KAZN: variants seen among roughly 807,000 people sequenced by gnomAD.
KAZN encodes the protein kazrin, periplakin interacting protein.
Under a neutral mutation model 87.4 loss-of-function variants are expected in KAZN, and 40 were observed. The ratio of observed to expected loss-of-function variants is 0.46; its 90% CI spans 0.36 to 0.60. The LOEUF (loss-of-function observed/expected upper bound fraction) is 0.60, where lower values mean the gene tolerates loss of function less well. Ranked by LOEUF, KAZN falls within the 20% of genes least tolerant of loss-of-function variation. The pLI, the probability that KAZN is intolerant of heterozygous loss-of-function variation, is 0.00. For missense variants in KAZN, 898 were observed against 1,073.9 expected, an observed-to-expected ratio of 0.84 and a Z score of 2.29; for synonymous variants, 466 against 458.3, an observed-to-expected ratio of 1.02 and a Z score of -0.22.
chr1:14,303,378 G>A (rs1258567241), intron 2 of KAZN, among the ~76,000 whole-genome samples: 2 of 152,052 alleles, frequency 1.3e-5, no homozygotes, highest in South Asian at 2.1e-4. Flanking sequence ...TGAGTAGCTG[G>A]GACTAGATGT....
chr1:14,588,475 A>G (rs912351329), intron 2 of KAZN, among the ~76,000 whole-genome samples: 5 of 152,230 alleles, frequency 3.3e-5, no homozygotes, highest in African/African-American at 1.2e-4. Flanking sequence ...TGGAAATCCC[A>G]CTGGTCAGTG....
chr1:13,953,018 G>A (rs10927969), intron 1 of KAZN, among the ~76,000 whole-genome samples: 17,842 of 152,168 alleles, frequency 0.12, 1,188 homozygotes, highest in Middle Eastern at 0.22. Flanking sequence ...TCAACAGAAT[G>A]GGCTGCCCTG....
chr1:14,674,934 G>A (rs566959493), intron 1 of KAZN, among the ~76,000 whole-genome samples: 11 of 149,664 alleles, frequency 7.3e-5, no homozygotes, highest in South Asian at 4.4e-4. Flanking sequence ...CTACAGACAC[G>A]CACCACCACA....
At chr1:14,999,859 C>T (rs1219219956) in intron 2 of KAZN, among the ~76,000 whole-genome samples, 1 of 152,184 alleles carries the variant, frequency 6.6e-6, no homozygotes. Flanking sequence ...CTCAGTCTGC[C>T]CTGTCCGGCT....
intron 2 of KAZN, among the ~76,000 whole-genome samples, chr1:14,419,120 C>T (rs938297980): frequency 1.3e-5 from 2 of 152,114 alleles, no homozygotes; most frequent in Non-Finnish European, 2.9e-5. Flanking sequence ...TTGGTAGCAC[C>T]CCATCTTTAC....
chr1:15,103,385 C>A lies in KAZN; in HGVS notation c.1806C>A (p.Cys602Ter). ...REALQERRAR[C>*]ETQNIDPVVW... Reference sequence around the variant, plus strand: ...CCCTCCAGGAGCGCCGGGCCCGCTGCGAGACGCAGAACATTGACCCCGTGG... The same window carrying A: ...CCCTCCAGGAGCGCCGGGCCCGCTGAGAGACGCAGAACATTGACCCCGTGG... Residue 602 changes from cysteine (C) to a stop codon, truncating the protein, a stop_gained, in exon 12 of 15, where the codon TGC (cysteine) becomes TGA (stop). Coordinates refer to ENST00000376030, the MANE Select transcript of KAZN (RefSeq NM_201628.3). LOFTEE classifies it high-confidence loss of function. 1.3e-6 allele frequency: 2 copies of A among 1,551,910 alleles called. No homozygotes were observed. The highest frequency in any genetic ancestry group is 1.7e-6 in the Non-Finnish European group (2 of 1,147,138).
chr1:14,057,415 G>T (rs986725587), intron 1 of KAZN, among the ~76,000 whole-genome samples: 1 of 152,200 alleles, frequency 6.6e-6, no homozygotes, highest in African/African-American at 2.4e-5. Flanking sequence ...TTATAGGCGT[G>T]AGCCACCATG....
intron 8 of KAZN, among the ~76,000 whole-genome samples, chr1:15,089,092 C>A (rs1172448682): frequency 6.6e-6 from 1 of 152,070 alleles, no homozygotes; most frequent in East Asian, 1.9e-4. Context: ...CTCTCTCCCT[C>A]TCCTCCTTTC....
intron 2 of KAZN, among the ~76,000 whole-genome samples, chr1:14,368,861 C>CT (rs1384166060): frequency 1.3e-5 from 2 of 151,714 alleles, no homozygotes; most frequent in East Asian, 1.9e-4. Context: ...GAGGTACTGG[C>CT]TTTTTTTTTC....
At chr1:14,767,712 C>A (rs566241417) in intron 1 of KAZN, among the ~76,000 whole-genome samples, 1 of 152,208 alleles carries the variant, frequency 6.6e-6, no homozygotes, top group Non-Finnish European at 1.5e-5. Flanking sequence ...TATCCACAGA[C>A]CTTTCTTAGT....
At chr1:14,050,691 C>T (rs896388121) in intron 1 of KAZN, among the ~76,000 whole-genome samples, 2 of 152,126 alleles carry the variant, frequency 1.3e-5, no homozygotes, top group African/African-American at 4.8e-5. Flanking sequence ...CAAAACCTAT[C>T]AGCCCCCCAG....
At chr1:14,033,334 A>G (rs1570575515) in intron 1 of KAZN, among the ~76,000 whole-genome samples, 1 of 152,194 alleles carries the variant, frequency 6.6e-6, no homozygotes, top group East Asian at 1.9e-4. Flanking sequence ...AGAAATAGAC[A>G]GCAAAGTGAC....
chr1:14,204,969 A>T (rs1379876721), intron 2 of KAZN, among the ~76,000 whole-genome samples: 1 of 152,330 alleles, frequency 6.6e-6, no homozygotes, highest in Admixed American at 6.5e-5. Context: ...TGCCAATATG[A>T]AGTTCTAAGA....
At chr1:15,045,125 C>T (rs1344411639) in intron 4 of KAZN, among the ~76,000 whole-genome samples, 1 of 152,150 alleles carries the variant, frequency 6.6e-6, no homozygotes, top group African/African-American at 2.4e-5. Flanking sequence ...GCTTCAGTGC[C>T]TTTTACTTGT....
intron 1 of KAZN, among the ~76,000 whole-genome samples, chr1:14,108,574 T>C (rs1039251925): frequency 1.3e-5 from 2 of 152,172 alleles, no homozygotes; most frequent in African/African-American, 4.8e-5. Context: ...CTCTGACAAA[T>C]TGGCTCTGTT....
chr1:14,580,919 G>A (rs1036623284), intron 2 of KAZN, among the ~76,000 whole-genome samples: 4 of 152,090 alleles, frequency 2.6e-5, no homozygotes, highest in South Asian at 4.2e-4. Flanking sequence ...TCTCTCCACG[G>A]CTTTCGGGAC....
chr1:14,667,092 C>T (rs373246879), intron 1 of KAZN, among the ~76,000 whole-genome samples: 3 of 152,200 alleles, frequency 2.0e-5, no homozygotes, highest in South Asian at 2.1e-4. Flanking sequence ...ATCCCATCTG[C>T]GAAGATGCTT....
chr1:14,079,236 C>G (rs1169543806), intron 1 of KAZN, among the ~76,000 whole-genome samples: 1 of 152,180 alleles, frequency 6.6e-6, no homozygotes, highest in Non-Finnish European at 1.5e-5. Flanking sequence ...CAGGGAGGTG[C>G]CAGGCTCTTT....
chr1:14,293,222 C>T (rs1436450084), intron 2 of KAZN, among the ~76,000 whole-genome samples: 2 of 152,204 alleles, frequency 1.3e-5, no homozygotes, highest in African/African-American at 4.8e-5. Context: ...CCGAAGGGAA[C>T]CAATATTTAG....
Sources: gnomAD v4.1 joint callset for allele counts (sites outside exome capture counted in the v4.1 genomes callset) on GRCh38, gnomAD v4.1.1 for gene constraint, MANE v1.5 for transcripts, NCBI Gene and HGNC (gene_info 2026-07-23, HGNC 2026-07-21) for gene names.